The following NBDY variants were observed in gnomAD, a reference collection of about 807,000 sequenced individuals.
NBDY encodes negative regulator of P-body association.
At chrX:56,803,211 G>A (rs2069832985) in intron 2 of NBDY, among the ~76,000 whole-genome samples, 1 of 111,306 alleles carries the variant, frequency 9.0e-6, no homozygotes, top group Non-Finnish European at 1.9e-5. Flanking sequence ...GATGGCACCC[G>A]GGCTCCACAG....
chrX:56,781,451 G>A (rs2069689709), intron 2 of NBDY, among the ~76,000 whole-genome samples: 2 of 111,598 alleles, frequency 1.8e-5, no homozygotes, highest in African/African-American at 3.3e-5. Context: ...GTACAGACCC[G>A]GGATTTAGGG....
chrX:56,767,061 C>T (rs1684268193), intron 2 of NBDY, among the ~76,000 whole-genome samples: 1 of 113,464 alleles, frequency 8.8e-6, no homozygotes, highest in Non-Finnish European at 1.9e-5. Context: ...GGGAGGACCC[C>T]CAATTCTCCA....
At chrX:56,812,513 C>A (rs1218214693) in intron 2 of NBDY, among the ~76,000 whole-genome samples, 1 of 110,233 alleles carries the variant, frequency 9.1e-6, no homozygotes, top group East Asian at 2.8e-4. Flanking sequence ...ACTTGATGGC[C>A]CCTTGAAGTG....
intron 2 of NBDY, among the ~76,000 whole-genome samples, chrX:56,736,971 G>A (rs2069497851): frequency 9.0e-6 from 1 of 111,304 alleles, no homozygotes; most frequent in African/African-American, 3.3e-5. Context: ...ATAAACTGAT[G>A]GGCTATCCAA....
chrX:56,755,530 A>T (rs1340611593), intron 2 of NBDY, among the ~76,000 whole-genome samples: 1 of 112,392 alleles, frequency 8.9e-6, no homozygotes, highest in Non-Finnish European at 1.9e-5. Flanking sequence ...GCCAAAAGAC[A>T]CATGAAAAAA....
chrX:56,767,120 C>T (rs1177669729), intron 2 of NBDY, among the ~76,000 whole-genome samples: 2 of 113,651 alleles, frequency 1.8e-5, no homozygotes, highest in African/African-American at 6.4e-5. Flanking sequence ...TGTACTTGGG[C>T]GGCAGCCCTG....
At chrX:56,763,934 C>T (rs1287913308) in intron 2 of NBDY, among the ~76,000 whole-genome samples, 1 of 112,714 alleles carries the variant, frequency 8.9e-6, no homozygotes, top group African/African-American at 3.2e-5. Context: ...GCCATACTGC[C>T]ATCAAGCGGA....
intron 2 of NBDY, among the ~76,000 whole-genome samples, chrX:56,740,901 C>G (rs2146714351): frequency 9.0e-6 from 1 of 110,636 alleles, no homozygotes; most frequent in African/African-American, 3.3e-5. Flanking sequence ...TTATTATTGA[C>G]TATAGTCACC....
intron 2 of NBDY, among the ~76,000 whole-genome samples, chrX:56,738,564 C>A (rs747000467): frequency 4.5e-5 from 5 of 111,848 alleles, no homozygotes; most frequent in African/African-American, 1.6e-4. Context: ...TTAGGGTTCC[C>A]GCAACCTCTC....
intron 2 of NBDY, among the ~76,000 whole-genome samples, chrX:56,801,087 G>A (rs1301059311): frequency 1.8e-5 from 2 of 111,692 alleles, no homozygotes; most frequent in Non-Finnish European, 3.8e-5. Flanking sequence ...GCTTCTCTAG[G>A]CCTACTTGTA....
intron 2 of NBDY, among the ~76,000 whole-genome samples, chrX:56,754,410 A>G (rs2069599886): frequency 8.9e-6 from 1 of 111,759 alleles, no homozygotes; most frequent in Admixed American, 9.5e-5. Flanking sequence ...TCATCTAACA[A>G]CAGGAATATA....
intron 2 of NBDY, among the ~76,000 whole-genome samples, chrX:56,739,234 G>GTATATATATATATATA (rs1174908386): frequency 4.5e-5 from 1 of 22,036 alleles, no homozygotes; most frequent in African/African-American, 1.3e-4. Context: ...GTGTGTTTGT[G>GTATATATATATATATA]TGTGTATATA....
At chrX:56,800,573 G>A (rs1428361560) in intron 2 of NBDY, among the ~76,000 whole-genome samples, 1 of 111,532 alleles carries the variant, frequency 9.0e-6, no homozygotes, top group Non-Finnish European at 1.9e-5. Flanking sequence ...CTTGTACGAA[G>A]GCACAAGAGG....
chrX:56,803,166 C>G (rs1456643041), intron 2 of NBDY, among the ~76,000 whole-genome samples: 2 of 111,102 alleles, frequency 1.8e-5, no homozygotes, highest in African/African-American at 6.5e-5. Flanking sequence ...GAGAGAGGAA[C>G]TCCTGGCTGG....
chrX:56,737,884 C>T (rs1408712390), intron 2 of NBDY, among the ~76,000 whole-genome samples: 2 of 111,743 alleles, frequency 1.8e-5, no homozygotes, highest in Admixed American at 9.5e-5. Flanking sequence ...TTCTGTTTTT[C>T]TCTTCCTCTC....
At chrX:56,739,299 T>G (rs1927229) in intron 2 of NBDY, among the ~76,000 whole-genome samples, 1,509 of 74,244 alleles carry the variant, frequency 0.02, 27 homozygotes, top group African/African-American at 0.053. Flanking sequence ...TATATATATA[T>G]AGAGAGAGAG....
intron 2 of NBDY, among the ~76,000 whole-genome samples, chrX:56,746,301 C>G (rs1460504117): frequency 2.7e-5 from 3 of 110,462 alleles, no homozygotes; most frequent in Non-Finnish European, 5.7e-5. Context: ...TCATACTACT[C>G]TATATTGATC....
At chrX:56,754,362 C>T (rs914621802) in intron 2 of NBDY, among the ~76,000 whole-genome samples, 1 of 111,939 alleles carries the variant, frequency 8.9e-6, no homozygotes, top group Admixed American at 9.4e-5. Flanking sequence ...GACCTAACAG[C>T]ACTGTCCCAT....
intron 1 of NBDY, 22 bp from the exon 2 acceptor site, chrX:56,732,041 A>G (rs1265004749): frequency 6.8e-6 from 2 of 293,876 alleles, no homozygotes; most frequent in African/African-American, 5.5e-5. Flanking sequence ...ATGATGCCAC[A>G]ATATTTTTTA....
Sources: allele counts gnomAD v4.1 joint callset (sites outside exome capture counted in the v4.1 genomes callset), GRCh38; gene constraint gnomAD v4.1.1; transcripts MANE v1.5; gene names NCBI Gene and HGNC (gene_info 2026-07-23, HGNC 2026-07-21).